The following MTCL1 variants were observed in gnomAD, a reference collection of about 807,000 sequenced individuals.
MTCL1 encodes microtubule crosslinking factor 1, also known as microtubule cross-linking factor 1.
MTCL1 carries 79 observed loss-of-function variants against 141.4 expected under a neutral mutation model. The observed-to-expected ratio is 0.56, with a 90% CI of 0.47 to 0.67. The LOEUF (loss-of-function observed/expected upper bound fraction) is 0.67, where lower values mean the gene tolerates loss of function less well. Ranked by LOEUF, MTCL1 falls within the 30% of genes least tolerant of loss-of-function variation. MTCL1 has a pLI of 0.00. For missense variants in MTCL1, 2,177 were observed against 2,113.9 expected, an observed-to-expected ratio of 1.03 and a Z score of -0.59; for synonymous variants, 914 against 875.8, an observed-to-expected ratio of 1.04 and a Z score of -0.77.
At chr18:8,757,280 G>C (rs1396345445) in intron 4 of MTCL1, among the ~76,000 whole-genome samples, 4 of 152,116 alleles carry the variant, frequency 2.6e-5, no homozygotes, top group African/African-American at 9.7e-5. Context: ...TTTAATTCTT[G>C]CTTTAAGTTT....
chr18:8,717,761 T>G (rs1185961087), intron 1 of MTCL1: 2 of 345,364 alleles, frequency 5.8e-6, no homozygotes, highest in Non-Finnish European at 8.2e-6. Context: ...AGGAATGAAA[T>G]GACTCCTTGG....
intron 7 of MTCL1, chr18:8,789,427 G>A (rs1193836484): frequency 1.0e-6 from 1 of 985,342 alleles, no homozygotes; most frequent in East Asian, 1.1e-4. Context: ...GCCATGAAAA[G>A]CCTTCCTTTT....
intron 10 of MTCL1, among the ~76,000 whole-genome samples, chr18:8,798,645 G>C (rs779275254): frequency 6.6e-6 from 1 of 152,040 alleles, no homozygotes; most frequent in Non-Finnish European, 1.5e-5. Flanking sequence ...AGGAGCAAAG[G>C]ACACGTTTTA....
rs952028108 is a variant in MTCL1, at chr18:8,806,756, C to A, written c.2437-137C>A. On this transcript the variant is annotated intron_variant, in intron 10 of 16. Coordinates refer to ENST00000359865, the Ensembl canonical transcript of MTCL1. Reference sequence around the variant, plus strand: ...TTGCTCCCCGGCTAACTGCAGACTCCCCACCCACCCTGCACCCACTGCCAA... The same window carrying A: ...TTGCTCCCCGGCTAACTGCAGACTCACCACCCACCCTGCACCCACTGCCAA... 3.4e-5 allele frequency: 27 copies of A among 794,478 alleles called. No homozygotes were observed. In the African/African-American group the frequency reaches 4.5e-4, roughly 13 times the overall value. The allele number at this position is 794,478 out of a possible 1,614,324, so 49.2% of individuals were successfully genotyped here. A position where few individuals can be genotyped will look rare whatever the true frequency, so the allele number is the denominator to read the frequency against.
intron 4 of MTCL1, among the ~76,000 whole-genome samples, chr18:8,770,418 G>GT (rs2096480573): frequency 6.6e-6 from 1 of 152,168 alleles, no homozygotes; most frequent in Non-Finnish European, 1.5e-5. Context: ...GGTTGAGTTG[G>GT]GTTCTGGTGA....
chr18:8,765,303 A>G (rs2096454409), intron 4 of MTCL1, among the ~76,000 whole-genome samples: 1 of 152,242 alleles, frequency 6.6e-6, no homozygotes, highest in African/African-American at 2.4e-5. Context: ...CAACTATGCC[A>G]GAGACACACT....
At chr18:8,721,641 C>T (rs2096173579) in intron 4 of MTCL1, among the ~76,000 whole-genome samples, 1 of 152,196 alleles carries the variant, frequency 6.6e-6, no homozygotes, top group South Asian at 2.1e-4. Context: ...CAGCCCCTCC[C>T]CTCAACACTC....
At chr18:8,785,978 C>G (rs760489391) in exon 7 of MTCL1, 1 of 1,603,708 alleles carries the variant, frequency 6.2e-7, no homozygotes, top group Non-Finnish European at 8.5e-7. Flanking sequence ...CGGGCCGGCC[C>G]GAGGGGACGA....
At chr18:8,786,806 A>G (rs1015331303) in intron 7 of MTCL1, 3 of 180,622 alleles carry the variant, frequency 1.7e-5, no homozygotes, top group African/African-American at 7.0e-5. Context: ...TATGAATAAT[A>G]GAGAATGCAA....
intron 4 of MTCL1, among the ~76,000 whole-genome samples, chr18:8,728,717 ATTCTTTTTTTT>A (rs2096232106): frequency 1.5e-5 from 1 of 68,054 alleles, no homozygotes; most frequent in African/African-American, 6.2e-5. Context: ...TATGTTGTCC[ATTCTTTTTTTT>A]TTTTTTTTTT....
intron 16 of MTCL1, chr18:8,829,989 G>A: frequency 2.0e-6 from 2 of 985,462 alleles, no homozygotes; most frequent in Non-Finnish European, 2.4e-6. Flanking sequence ...GGCGGAACGG[G>A]ATACGGTGGT....
At chr18:8,798,279 G>A in exon 10 of MTCL1, 3 of 1,549,700 alleles carry the variant, frequency 1.9e-6, no homozygotes, top group Non-Finnish European at 2.6e-6. Context: ...ACAGGGGACA[G>A]CCCCACAAAC....
At chr18:8,783,013 C>T (rs543278245) in intron 5 of MTCL1, among the ~76,000 whole-genome samples, 1 of 152,292 alleles carries the variant, frequency 6.6e-6, no homozygotes, top group East Asian at 1.9e-4. Context: ...CCTGGTCAGA[C>T]CTTGTGGATT....
At chr18:8,709,265 T>A (rs1285673228) in intron 1 of MTCL1, among the ~76,000 whole-genome samples, 1 of 152,042 alleles carries the variant, frequency 6.6e-6, no homozygotes. Flanking sequence ...TGATCATAGC[T>A]CACTACAACC....
intron 15 of MTCL1, among the ~76,000 whole-genome samples, chr18:8,826,548 T>G (rs1386278265): frequency 6.6e-6 from 1 of 152,190 alleles, no homozygotes; most frequent in Non-Finnish European, 1.5e-5. Flanking sequence ...CAGTTTGCCT[T>G]CTTTCTGTGT....
At chr18:8,756,475 G>A (rs1243162646) in intron 4 of MTCL1, among the ~76,000 whole-genome samples, 6,828 of 145,878 alleles carry the variant, frequency 0.047, 648 homozygotes, top group African/African-American at 0.17. Flanking sequence ...GTATATGTGT[G>A]TATATGTGTG....
At chr18:8,759,887 C>T (rs1598526111) in intron 4 of MTCL1, among the ~76,000 whole-genome samples, 1 of 152,020 alleles carries the variant, frequency 6.6e-6, no homozygotes, top group East Asian at 1.9e-4. Flanking sequence ...GCGTGGTTTG[C>T]GATTCCCGGT....
intron 4 of MTCL1, among the ~76,000 whole-genome samples, chr18:8,771,614 TGAAATTGTGTGGAA>T (rs1427231616): frequency 1.3e-5 from 2 of 152,230 alleles, no homozygotes; most frequent in Non-Finnish European, 2.9e-5. Flanking sequence ...TTAATTTTTC[TGAAATTGTGTGGAA>T]GAAATTGGCC....
intron 4 of MTCL1, among the ~76,000 whole-genome samples, chr18:8,730,110 C>G (rs1387360371): frequency 6.6e-6 from 1 of 152,138 alleles, no homozygotes; most frequent in Non-Finnish European, 1.5e-5. Context: ...CAGTTGGGCA[C>G]ATGTGTTTGG....
Sources: allele counts gnomAD v4.1 joint callset (sites outside exome capture counted in the v4.1 genomes callset), GRCh38; gene constraint gnomAD v4.1.1; transcripts MANE v1.5; gene names NCBI Gene and HGNC (gene_info 2026-07-23, HGNC 2026-07-21).